The following UBN2 variants were observed in gnomAD, a reference collection of about 807,000 sequenced individuals.
UBN2 encodes ubinuclein-2.
Under a neutral mutation model 120.2 loss-of-function variants are expected in UBN2, and 35 were observed. The observed-to-expected ratio is 0.29, with a 90% CI of 0.22 to 0.39. The LOEUF (loss-of-function observed/expected upper bound fraction) is 0.39, where lower values mean the gene tolerates loss of function less well. UBN2 is among the 10% of genes least tolerant of loss of function. The probability of loss-of-function intolerance (pLI) is 1.00; values close to 1 mark genes in which losing one functional copy is unlikely to be tolerated. For missense variants in UBN2, 1,693 were observed against 1,663.2 expected (o/e 1.02, Z -0.31); for synonymous variants, 661 against 648.7 (o/e 1.02, Z -0.29).
rs1796835092 is a variant in UBN2, at chr7:139,258,597, C to T, written c.773C>T (p.Thr258Ile). 3.1e-6 allele frequency: 5 copies of T among 1,601,690 alleles called. No homozygotes were observed. Among genetic ancestry groups the T allele is most frequent in the Admixed American group, 1.7e-5 (1 of 59,414 alleles). ...QASDTEEDDI[T>I]DNQKHKPPKV... ...TCAGATACTGAAGAAGATGATATTACAGACAACCAAAAGCACAAGCCACCC... is the reference window on the plus strand; with the variant it reads ...TCAGATACTGAAGAAGATGATATTATAGACAACCAAAAGCACAAGCCACCC... The change falls in exon 4 of 18, where the codon ACA becomes ATA. Residue 258 changes from threonine to isoleucine, a missense_variant. By Grantham distance (89) the Thr-to-Ile change is moderately conservative. Around this residue, in one of 5 missense-constraint regions of UBN2, gnomAD observed 663 missense variants for 591.2 expected, o/e 1.12. Transcript: ENST00000473989.
intron 4 of UBN2, 92 bp from the exon 5 acceptor site, chr7:139,259,175 T>C: frequency 6.6e-7 from 1 of 1,526,322 alleles, no homozygotes; most frequent in Non-Finnish European, 8.8e-7. Context: ...ACACTGACAT[T>C]TGAGAAAAAC....
chr7:139,262,467 T>G (rs1377849595), intron 6 of UBN2, among the ~76,000 whole-genome samples: 1 of 152,078 alleles, frequency 6.6e-6, no homozygotes, highest in Non-Finnish European at 1.5e-5. Flanking sequence ...TCCCAGCACT[T>G]TGGGAAGCCA....
At position 139,276,147 on chromosome 7, in the gene UBN2, C is replaced by A; in HGVS notation, c.2024C>A (p.Pro675Gln). The A allele has an allele frequency of 6.2e-7, 1 of 1,613,296 alleles. No individual in the cohort carries two copies. The highest frequency in any genetic ancestry group is 8.5e-7 in the Non-Finnish European group (1 of 1,179,726). Residue 675 changes from proline to glutamine, a missense_variant and splice_region_variant, in exon 12 of 18, where the codon CCG becomes CAG. This residue lies in a region of UBN2 where 837 missense variants were observed against 817.6 expected (regional missense o/e 1.02). Coordinates refer to ENST00000473989, the MANE Select transcript of UBN2 (RefSeq NM_173569.4). Reference sequence around the variant, plus strand: ...GTTCATAATCATCTTACTTCTGCTCCGTGAGTAAATGCAGACTCCAGATTG... The same window carrying A: ...GTTCATAATCATCTTACTTCTGCTCAGTGAGTAAATGCAGACTCCAGATTG... The part of the protein sequence containing the change: ...RSVHNHLTSA[P>Q]AKKKVIPAPK...
chr7:139,288,349 G>C (rs1216333702), intron 15 of UBN2, among the ~76,000 whole-genome samples: 5 of 152,176 alleles, frequency 3.3e-5, no homozygotes, highest in Non-Finnish European at 7.3e-5. Flanking sequence ...TTTGATTTGA[G>C]AATTGAATGA....
rs1488746247 is a variant in UBN2 at position 139,231,825 on chromosome 7, C to T, written c.341C>T (p.Ser114Phe). 8 of 1,500,758 alleles carry T rather than the reference C, an allele frequency of 5.3e-6. No individual in the cohort carries two copies. Among genetic ancestry groups the T allele is most frequent in the Admixed American group, 2.2e-5 (1 of 45,954 alleles). 93.0% of individuals were successfully genotyped at this position (1,500,758 alleles called of 1,614,324 possible). Reference sequence around the variant, plus strand: ...CCGCCCCCGCCGCGGGAGTCGGCTTCCCGGGCTGAGCAGCCGCCGCGGCCG... The same window carrying T: ...CCGCCCCCGCCGCGGGAGTCGGCTTTCCGGGCTGAGCAGCCGCCGCGGCCG... ...LQPPPPRESA[S>F]RAEQPPRPPR... The change falls in exon 1 of 18, where the codon TCC becomes TTC. Residue 114 changes from serine (S) to phenylalanine (F), a missense_variant. Ser to Phe is a radical substitution (Grantham distance 155, BLOSUM62 -2). Around this residue, in one of 5 missense-constraint regions of UBN2, gnomAD observed 663 missense variants for 591.2 expected, o/e 1.12. Transcript: ENST00000473989.
intron 2 of UBN2, among the ~76,000 whole-genome samples, chr7:139,249,525 C>T (rs577986628): frequency 6.6e-6 from 1 of 152,152 alleles, no homozygotes; most frequent in Non-Finnish European, 1.5e-5. Context: ...ATACAACTTA[C>T]TCATCTTTAA....
At chr7:139,327,015 CTTCTT>C in the UBN2 span, among the ~76,000 whole-genome samples, 1 of 152,240 alleles carries the variant, frequency 6.6e-6, no homozygotes, top group East Asian at 1.9e-4. Flanking sequence ...GTATTTTCTT[CTTCTT>C]TTCTTTTTAT....
intron 8 of UBN2, among the ~76,000 whole-genome samples, chr7:139,270,951 G>A (rs1457337432): frequency 2.0e-5 from 3 of 151,822 alleles, no homozygotes; most frequent in African/African-American, 7.3e-5. Context: ...TCCATGTTTA[G>A]TAGAGACAGG....
chr7:139,290,922 T>G (rs1799863430), intron 15 of UBN2, among the ~76,000 whole-genome samples: 1 of 152,182 alleles, frequency 6.6e-6, no homozygotes, highest in Non-Finnish European at 1.5e-5. Flanking sequence ...ACTTAAGAAG[T>G]ACCCCACCAG....
At chr7:139,248,933 A>G (rs1796543983) in intron 2 of UBN2, among the ~76,000 whole-genome samples, 1 of 152,118 alleles carries the variant, frequency 6.6e-6, no homozygotes, top group African/African-American at 2.4e-5. Context: ...AATAAAGGAC[A>G]ATCTATTATG....
At position 139,258,548 on chromosome 7, in the gene UBN2, G is replaced by T; in HGVS notation, c.724G>T (p.Gly242Cys). The T allele has an allele frequency of 6.2e-7, 1 of 1,605,282 alleles. No homozygotes were observed. The highest frequency in any genetic ancestry group is 8.5e-7 in the Non-Finnish European group (1 of 1,175,404). ...ATATGGAGGCTTTTATATCAACACT[G>T]GCACTCTACAGTTTCGCCAAGCTTC... is the stretch of plus-strand genomic sequence containing the variant. ...TKYGGFYINT[G>C]TLQFRQASDT... Residue 242 changes from glycine to cysteine, a missense_variant, in exon 4 of 18, where the codon GGC becomes TGC. Coordinates refer to ENST00000473989, the MANE Select transcript of UBN2 (RefSeq NM_173569.4).
intron 15 of UBN2, among the ~76,000 whole-genome samples, chr7:139,290,720 A>G (rs890829869): frequency 2.0e-5 from 3 of 152,194 alleles, no homozygotes; most frequent in African/African-American, 7.2e-5. Context: ...TCAGTTGTAA[A>G]ATTTGTTATT....
At chr7:139,235,521 C>T (rs905110215) in intron 1 of UBN2, among the ~76,000 whole-genome samples, 2 of 152,214 alleles carry the variant, frequency 1.3e-5, no homozygotes, top group African/African-American at 4.8e-5. Context: ...ATTCTCCTGT[C>T]TCAGCCTCCC....
the UBN2 span, among the ~76,000 whole-genome samples, chr7:139,322,401 T>C: frequency 6.6e-6 from 1 of 152,148 alleles, no homozygotes; most frequent in African/African-American, 2.4e-5. Flanking sequence ...TTACAACTGA[T>C]TTGTAGGGAC....
Position 139,269,470 on chromosome 7 carries a change from T to C in UBN2, c.1543T>C (p.Cys515Arg). ...CTCCCACCTTGAAGCTTTTGTGCCA[T>C]GCAATAAAGAAACACTAGTAAAACG... ...VYSHLEAFVPCNKETLVKRLK... is the reference protein window; with the variant it reads ...VYSHLEAFVPRNKETLVKRLK... Residue 515 changes from cysteine (C) to arginine (R), a missense_variant, in exon 8 of 18, where the codon TGC (cysteine) becomes CGC (arginine). Cys to Arg is a radical substitution (Grantham distance 180, BLOSUM62 -3). Coordinates refer to ENST00000473989, the MANE Select transcript of UBN2 (RefSeq NM_173569.4). The C allele has an allele frequency of 6.2e-7, 1 of 1,614,134 alleles. No homozygotes were observed. Among genetic ancestry groups the C allele is most frequent in the Non-Finnish European group, 8.5e-7 (1 of 1,180,006 alleles).
At chr7:139,289,344 CATA>C (rs970427910) in intron 15 of UBN2, among the ~76,000 whole-genome samples, 31 of 151,352 alleles carry the variant, frequency 2.0e-4, no homozygotes, top group African/African-American at 7.5e-4. Flanking sequence ...ACAGTTATGG[CATA>C]GTATCACTTT....
chr7:139,247,116 A>G (rs548626608), intron 2 of UBN2, among the ~76,000 whole-genome samples: 1 of 152,196 alleles, frequency 6.6e-6, no homozygotes, highest in South Asian at 2.1e-4. Context: ...TGTATGCTTA[A>G]TAAGAAACTA....
chr7:139,243,883 T>C (rs1367690859), intron 2 of UBN2, among the ~76,000 whole-genome samples: 1 of 152,198 alleles, frequency 6.6e-6, no homozygotes, highest in African/African-American at 2.4e-5. Flanking sequence ...GTGTGTCAAA[T>C]ACACGTTTTC....
At position 139,250,546 on chromosome 7, in the gene UBN2, C is replaced by CAA. The variant is rs528405943; in HGVS notation, c.562-1398_562-1397dup. On this transcript the variant is annotated intron_variant, in intron 2 of 17. Coordinates refer to ENST00000473989, the MANE Select transcript of UBN2 (RefSeq NM_173569.4). ...ACTGCGTCCGGCCCAGACCCTGTAT[C>CAA]AAAAAAAAAAAAAGAAGAACTACTG... Among the ~76,000 whole-genome samples, 170 of 136,802 alleles carry CAA rather than the reference C, an allele frequency of 1.2e-3. 1 individual carries two copies. The highest frequency in any genetic ancestry group is 4.2e-3 in the African/African-American group (156 of 37,252). The allele number at this position is 136,802 out of a possible 152,430, so 89.7% of individuals were successfully genotyped here.
Sources: gnomAD v4.1 joint callset for allele counts (sites outside exome capture counted in the v4.1 genomes callset) on GRCh38, gnomAD v4.1.1 for gene constraint, gnomAD v4.1.1 regional missense constraint, MANE v1.5 for transcripts, NCBI Gene and HGNC (gene_info 2026-07-23, HGNC 2026-07-21) for gene names.